VAT1L: variants seen among roughly 807,000 people sequenced by gnomAD.
VAT1L encodes the protein putative NADPH-dependent quinone oxidoreductase VAT1L.
In VAT1L, 34 loss-of-function variants were observed where a neutral mutation model predicts 44.1. That is an observed-to-expected ratio of 0.77 (90% CI 0.59 to 1.03). The LOEUF is 1.03. Among genes scored for constraint, VAT1L ranks in the 50% least tolerant of loss-of-function variants. VAT1L has a pLI of 0.00. For missense variants in VAT1L, 615 were observed against 538.8 expected (o/e 1.14, Z -1.40); for synonymous variants, 253 against 202.2 (o/e 1.25, Z -2.13).
intron 7 of VAT1L, among the ~76,000 whole-genome samples, chr16:77,913,914 C>T (rs2017524400): frequency 6.6e-6 from 1 of 152,152 alleles, no homozygotes; most frequent in Non-Finnish European, 1.5e-5. Flanking sequence ...ATGCAGGGCT[C>T]CCTCTTGGTA....
chr16:77,813,727 G>A lies in VAT1L; in HGVS notation c.234-3194G>A, dbSNP rs530926798. On this transcript the variant is annotated intron_variant, in intron 1 of 8. Transcript: ENST00000302536. Reference sequence around the variant, plus strand: ...TTGACATCCTTTCTATTGCTAAGTCGTTCTCTTGATGTGTGTTTCCCAATT... The same window carrying A: ...TTGACATCCTTTCTATTGCTAAGTCATTCTCTTGATGTGTGTTTCCCAATT... Among the ~76,000 whole-genome samples, 9 of 152,058 alleles carry A rather than the reference G, an allele frequency of 5.9e-5. 1 individual carries two copies. Among genetic ancestry groups the A allele is most frequent in the African/African-American group, 1.9e-4 (8 of 41,476 alleles).
At chr16:77,865,267 T>A (rs1459008167) in intron 4 of VAT1L, among the ~76,000 whole-genome samples, 1 of 152,058 alleles carries the variant, frequency 6.6e-6, no homozygotes, top group Non-Finnish European at 1.5e-5. Context: ...CTGCGCCCGG[T>A]CAGTTCTTCC....
intron 3 of VAT1L, among the ~76,000 whole-genome samples, chr16:77,855,270 G>A (rs533148609): frequency 3.6e-4 from 55 of 151,668 alleles, no homozygotes; most frequent in African/African-American, 1.3e-3. Flanking sequence ...AACCCGGGAA[G>A]CAGAGGTTAC....
intron 7 of VAT1L, among the ~76,000 whole-genome samples, chr16:77,966,144 T>G (rs1275292485): frequency 6.6e-6 from 1 of 152,250 alleles, no homozygotes; most frequent in Non-Finnish European, 1.5e-5. Context: ...TTCACCAGTT[T>G]CTTTTTACAT....
At position 77,825,289 on chromosome 16, in the gene VAT1L, C is replaced by T; in HGVS notation, c.407C>T (p.Ala136Val). 1 of 1,614,158 alleles carries T rather than the reference C, an allele frequency of 6.2e-7. No homozygotes were observed. The highest frequency in any genetic ancestry group is 2.2e-5 in the East Asian group (1 of 44,878). The change falls in exon 3 of 9, where the codon GCA (alanine) becomes GTA (valine). Residue 136 changes from alanine (A) to valine (V), a missense_variant. Physicochemically the swap from Ala to Val is moderately conservative, Grantham distance 64. Transcript: ENST00000302536. ...GCATTTGTCAATTACAATGCCTGGGCAGAGGTGGTCTGCACACCAGTGGAG... is the reference window on the plus strand; with the variant it reads ...GCATTTGTCAATTACAATGCCTGGGTAGAGGTGGTCTGCACACCAGTGGAG... ...VMAFVNYNAW[A>V]EVVCTPVEFV...
At chr16:77,897,253 A>G (rs939016649) in intron 7 of VAT1L, among the ~76,000 whole-genome samples, 1 of 152,188 alleles carries the variant, frequency 6.6e-6, no homozygotes, top group African/African-American at 2.4e-5. Context: ...TGGAATCCAC[A>G]CTTCGGTCTG....
At chr16:77,823,422 T>A (rs1287115143) in intron 2 of VAT1L, among the ~76,000 whole-genome samples, 1 of 152,168 alleles carries the variant, frequency 6.6e-6, no homozygotes, top group South Asian at 2.1e-4. Context: ...GCATGAGCTG[T>A]ACCTCATTTA....
chr16:77,866,589 G>A (rs952948454), intron 4 of VAT1L, among the ~76,000 whole-genome samples: 3 of 149,004 alleles, frequency 2.0e-5, no homozygotes, highest in Non-Finnish European at 3.0e-5. Flanking sequence ...ATATTGTTAC[G>A]CTATTAGGTG....
intron 7 of VAT1L, chr16:77,892,610 G>T: frequency 3.0e-6 from 2 of 674,920 alleles, no homozygotes. Context: ...TATGTGTCAA[G>T]GTGGTGACTT....
chr16:77,802,405 AG>A (rs2016074323), intron 1 of VAT1L, among the ~76,000 whole-genome samples: 1 of 152,126 alleles, frequency 6.6e-6, no homozygotes, highest in Non-Finnish European at 1.5e-5. Context: ...GCACAAGGTC[AG>A]GAGTTCAAGA....
At chr16:77,811,114 C>G (rs986010019) in intron 1 of VAT1L, among the ~76,000 whole-genome samples, 2 of 152,096 alleles carry the variant, frequency 1.3e-5, no homozygotes, top group Non-Finnish European at 2.9e-5. Flanking sequence ...GTTTAATGAT[C>G]TGACACTGTT....
chr16:77,800,768 C>T (rs1234951933), intron 1 of VAT1L: 7 of 152,144 alleles, frequency 4.6e-5, no homozygotes, highest in African/African-American at 1.4e-4. Context: ...TTTAATGCTC[C>T]CACTGTTTGG....
intron 7 of VAT1L, among the ~76,000 whole-genome samples, chr16:77,957,752 ATATAAT>A (rs1235371748): frequency 8.1e-5 from 12 of 148,756 alleles, no homozygotes; most frequent in African/African-American, 1.2e-4. Context: ...AAACAATTAT[ATATAAT>A]TATAATTATA....
chr16:77,974,757 C>G (rs1461442491), intron 8 of VAT1L, among the ~76,000 whole-genome samples: 3 of 151,946 alleles, frequency 2.0e-5, no homozygotes, highest in Non-Finnish European at 4.4e-5. Context: ...TTAGTAGAGA[C>G]AGGGTTTCAC....
intron 7 of VAT1L, among the ~76,000 whole-genome samples, chr16:77,913,523 C>T (rs535228365): frequency 3.3e-5 from 5 of 151,940 alleles, no homozygotes; most frequent in South Asian, 2.1e-4. Flanking sequence ...AGACCCCCCT[C>T]CCTCTACTAT....
chr16:77,970,051 TA>T (rs36120858), intron 7 of VAT1L, among the ~76,000 whole-genome samples: 18,957 of 86,516 alleles, frequency 0.22, 2,178 homozygotes, highest in African/African-American at 0.42. Flanking sequence ...ACATCTCTAC[TA>T]AAAAAAAAAA....
intron 8 of VAT1L, among the ~76,000 whole-genome samples, chr16:77,976,501 G>A (rs1452673328): frequency 1.3e-5 from 2 of 152,150 alleles, no homozygotes; most frequent in African/African-American, 4.8e-5. Flanking sequence ...GGAGAGCTGA[G>A]ATTCAGGGGC....
At chr16:77,821,947 C>G (rs1597180572) in intron 2 of VAT1L, among the ~76,000 whole-genome samples, 2 of 152,238 alleles carry the variant, frequency 1.3e-5, no homozygotes, top group Middle Eastern at 6.8e-3. Context: ...ATAGTAGATA[C>G]AAAAGCATAA....
At chr16:77,820,049 A>G (rs758415455) in intron 2 of VAT1L, among the ~76,000 whole-genome samples, 9 of 152,102 alleles carry the variant, frequency 5.9e-5, no homozygotes, top group Non-Finnish European at 8.8e-5. Flanking sequence ...ATATTTCCAC[A>G]CTTTGTAGGT....
Sources: allele counts gnomAD v4.1 joint callset (sites outside exome capture counted in the v4.1 genomes callset), GRCh38; gene constraint gnomAD v4.1.1; transcripts MANE v1.5; gene names NCBI Gene and HGNC (gene_info 2026-07-23, HGNC 2026-07-21).